Variants in RP1L1 observed in about 807,000 individuals in gnomAD.
The protein encoded by RP1L1 is retinitis pigmentosa 1-like 1 protein.
A neutral mutation model predicts 15.7 loss-of-function variants in RP1L1; 27 were observed. That is an observed-to-expected ratio of 1.72 (90% CI 1.27 to 2.38). RP1L1 has a LOEUF of 2.38. RP1L1 is among the 30% of genes most tolerant of loss of function. The pLI is 0.00. For missense variants in RP1L1, 4,798 were observed against 3,075.9 expected (o/e 1.56, Z -13.24); for synonymous variants, 1,813 against 1,276.7 (o/e 1.42, Z -8.96).
At chr8:10,641,566 C>T (rs1236281566) in intron 1 of RP1L1, among the ~76,000 whole-genome samples, 1 of 152,132 alleles carries the variant, frequency 6.6e-6, no homozygotes, top group Non-Finnish European at 1.5e-5. Context: ...GATGATGGCA[C>T]CTATAGGTTA....
rs200725430 is a variant in RP1L1 at position 10,607,763 on chromosome 8, T to A, written c.6335A>T (p.Lys2112Met). 6.3e-7 allele frequency: 1 copy of A among 1,584,314 alleles called. No homozygotes were observed. The highest frequency in any genetic ancestry group is 1.5e-5 in the African/African-American group (1 of 67,280). The change falls in exon 4 of 4, where the codon AAG (lysine) becomes ATG (methionine). Residue 2112 changes from lysine (K) to methionine (M), a missense_variant. Lys to Met is a moderately conservative substitution (Grantham distance 95, BLOSUM62 -1). Transcript: ENST00000382483. ...CTCTGGGGCCTCTATACCTTCTGCCTTCTGGGCCTCCCCTTCTGCCTCTGG... is the reference window on the plus strand; with the variant it reads ...CTCTGGGGCCTCTATACCTTCTGCCATCTGGGCCTCCCCTTCTGCCTCTGG... The part of the protein sequence containing the change: ...EAPEAEGEAQ[K>M]AEGIEAPETE...
At chr8:10,620,513 G>A (rs951162191) in intron 2 of RP1L1, among the ~76,000 whole-genome samples, 1 of 152,166 alleles carries the variant, frequency 6.6e-6, no homozygotes, top group African/African-American at 2.4e-5. Context: ...GGCTGAGGCA[G>A]GAAAATTGCT....
rs1379851231 is a variant in RP1L1, at chr8:10,612,961, A to G, written c.1137T>C (p.Pro379=). ...TGCAGGGCCGGGGTCCCCACACCCC[A>G]GGCTCTGAGAAGCCCCAAGGGTAGC... The part of the protein sequence containing the change: ...WEGYPWGFSE[P]GVWGPRPCRV... The change falls in exon 4 of 4, where the codon CCT becomes CCC. Residue 379 remains proline, a synonymous_variant. Coordinates refer to ENST00000382483, the MANE Select transcript of RP1L1 (RefSeq NM_178857.6). 6.2e-7 allele frequency: 1 copy of G among 1,613,110 alleles called. No homozygotes were observed. Among genetic ancestry groups the G allele is most frequent in the East Asian group, 2.2e-5 (1 of 44,876 alleles).
Position 10,612,415 on chromosome 8 carries a change from G to C in RP1L1, c.1683C>G (p.Ala561=), listed in dbSNP as rs377749782. ...RPQGCPGKAR[A]ETSQQEASEG... ...CGCTGGCCTCCTGCTGAGAGGTCTC[G>C]GCCCTTGCCTTGCCTGGACAGCCCT... The change falls in exon 4 of 4, where the codon GCC becomes GCG. Residue 561 remains alanine (A), a synonymous_variant. Coordinates refer to ENST00000382483, the MANE Select transcript of RP1L1 (RefSeq NM_178857.6). 1.9e-6 allele frequency: 3 copies of C among 1,612,578 alleles called. 1 individual carries two copies. The highest frequency in any genetic ancestry group is 2.5e-6 in the Non-Finnish European group (3 of 1,180,040).
At chr8:10,641,144 C>T (rs1178903321) in intron 1 of RP1L1, among the ~76,000 whole-genome samples, 1 of 152,236 alleles carries the variant, frequency 6.6e-6, no homozygotes, top group Non-Finnish European at 1.5e-5. Flanking sequence ...CAGCTCATCC[C>T]ATCATGGGCC....
At chr8:10,632,571 C>T (rs1049092720) in intron 1 of RP1L1, among the ~76,000 whole-genome samples, 12 of 152,340 alleles carry the variant, frequency 7.9e-5, no homozygotes, top group African/African-American at 2.2e-4. Context: ...TGCCAACTCA[C>T]GGCCTGTAGA....
chr8:10,612,632 A>C lies in RP1L1; in HGVS notation c.1466T>G (p.Ile489Arg). The change falls in exon 4 of 4, where the codon ATA becomes AGA. Residue 489 changes from isoleucine (I) to arginine (R), a missense_variant. Physicochemically the swap from Ile to Arg is moderately conservative, Grantham distance 97 (BLOSUM62 -3). Transcript: ENST00000382483. ...CCCTCCAGCTTTCCGCTCAGCCCCT[A>C]TCTGGGCAGAGGGGCTGGCACTGTC... ...GVDSASPSAQ[I>R]GAERKAGGSL... The C allele has an allele frequency of 6.2e-7, 1 of 1,601,096 alleles. No homozygotes were observed. The highest frequency in any genetic ancestry group is 8.5e-7 in the Non-Finnish European group (1 of 1,178,994).
Position 10,609,082 on chromosome 8 carries a change from G to A in RP1L1, c.5016C>T (p.Pro1672=), listed in dbSNP as rs551681036. The change falls in exon 4 of 4, where the codon CCC becomes CCT. Residue 1672 remains proline (P), a synonymous_variant. Transcript: ENST00000382483. Reference sequence around the variant, plus strand: ...CTCTGGTTGCCCCCATTGTGGCCTTGGGGGACATAGGGCTCACTTTCTTCC... The same window carrying A: ...CTCTGGTTGCCCCCATTGTGGCCTTAGGGGACATAGGGCTCACTTTCTTCC... ...CVRKKVSPMS[P]KATMGATRGP... The A allele has an allele frequency of 2.5e-6, 4 of 1,613,728 alleles. No homozygotes were observed. In the East Asian group the frequency reaches 8.9e-5, roughly 36 times the overall value.
intron 1 of RP1L1, among the ~76,000 whole-genome samples, chr8:10,625,356 G>A (rs1403357768): frequency 6.6e-6 from 1 of 152,194 alleles, no homozygotes; most frequent in Non-Finnish European, 1.5e-5. Context: ...CTCACCTGGG[G>A]CGTGAGTCCA....
In RP1L1 at chr8:10,611,427, C is replaced by G. The variant is rs764361808; in HGVS notation, c.2671G>C (p.Gly891Arg). ...ARGPGGSPQE[G>R]TRQPGPTPSP... ...GGCGTGGGGCCTGGCTGGCGTGTCC[C>G]CTCCTGCGGGCTCCCACCTGGCCCC... Residue 891 changes from glycine (G) to arginine (R), a missense_variant, in exon 4 of 4, where the codon GGG becomes CGG. Gly to Arg is a moderately radical substitution (Grantham distance 125, BLOSUM62 -2). Transcript: ENST00000382483. The G allele has an allele frequency of 6.3e-7, 1 of 1,581,342 alleles. No individual in the cohort carries two copies. The highest frequency in any genetic ancestry group is 1.1e-5 in the South Asian group (1 of 88,188).
intron 1 of RP1L1, among the ~76,000 whole-genome samples, chr8:10,624,859 T>C (rs1162079574): frequency 6.6e-6 from 1 of 152,188 alleles, no homozygotes; most frequent in Non-Finnish European, 1.5e-5. Flanking sequence ...GTTTCTGTCT[T>C]GTCGAACAGG....
At position 10,616,445 on chromosome 8, in the gene RP1L1, C is replaced by T. The variant is rs779446820; in HGVS notation, c.751+1G>A. The T allele has an allele frequency of 1.2e-6, 2 of 1,614,110 alleles. No individual in the cohort carries two copies. The highest frequency in any genetic ancestry group is 2.2e-5 in the East Asian group (1 of 44,894). ...TGGGGGAAACCCAAAAACCAACTCACCGTTTTTGTTTCTTGAAGTCAGCCC... is the reference window on the plus strand; with the variant it reads ...TGGGGGAAACCCAAAAACCAACTCATCGTTTTTGTTTCTTGAAGTCAGCCC... On this transcript the variant is annotated splice_donor_variant, in intron 3 of 3. Coordinates refer to ENST00000382483, the MANE Select transcript of RP1L1 (RefSeq NM_178857.6). LOFTEE classifies it high-confidence loss of function.
At chr8:10,631,064 C>T (rs903899184) in intron 1 of RP1L1, among the ~76,000 whole-genome samples, 9 of 152,106 alleles carry the variant, frequency 5.9e-5, no homozygotes, top group Non-Finnish European at 1.0e-4. Context: ...GGTTTGTTTA[C>T]GGCTGCCACA....
At position 10,612,674 on chromosome 8, in the gene RP1L1, G is replaced by A; in HGVS notation, c.1424C>T (p.Thr475Ile). 3 of 1,601,790 alleles carry A rather than the reference G, an allele frequency of 1.9e-6. No individual in the cohort carries two copies. Among genetic ancestry groups the A allele is most frequent in the Non-Finnish European group, 2.5e-6 (3 of 1,177,748 alleles). Reference protein sequence around the residue: ...SEPESSCCPRTPEDGVDSASP... With the variant: ...SEPESSCCPRIPEDGVDSASP... ...GGCACTGTCCACCCCGTCCTCCGGG[G>A]TCCTGGGGCAGCAGGAGGACTCTGG... Residue 475 changes from threonine (T) to isoleucine (I), a missense_variant, in exon 4 of 4, where the codon ACC (threonine) becomes ATC (isoleucine). By Grantham distance (89) the Thr-to-Ile change is moderately conservative. Transcript: ENST00000382483.
Position 10,610,127 on chromosome 8 carries a change from T to TCTTGCAGCCCTTCTTCTGTTGTAGTCC in RP1L1, c.3970_3971insGGACTACAACAGAAGAAGGGCTGCAAG (p.Glu1323_Glu1324insGlyThrThrThrGluGluGlyLeuGln). On this transcript the variant is annotated inframe_insertion, in exon 4 of 4. Coordinates refer to ENST00000382483, the MANE Select transcript of RP1L1 (RefSeq NM_178857.6). ...TTGCAGCCCTTCTTCTGTTTTAGTT[T>TCTTGCAGCCCTTCTTCTGTTGTAGTCC]CCTCTAACTGCACCGCCTCTTCTTG... 8.0e-7 allele frequency: 1 copy of TCTTGCAGCCCTTCTTCTGTTGTAGTCC among 1,247,962 alleles called. No individual in the cohort carries two copies. The highest frequency in any genetic ancestry group is 1.1e-6 in the Non-Finnish European group (1 of 903,776). The allele number at this position is 1,247,962 out of a possible 1,614,324, so 77.3% of individuals were successfully genotyped here.
At chr8:10,639,420 T>C (rs529381915) in intron 1 of RP1L1, among the ~76,000 whole-genome samples, 2 of 152,310 alleles carry the variant, frequency 1.3e-5, no homozygotes, top group South Asian at 4.1e-4. Flanking sequence ...TTGCTCAGGC[T>C]GGAGTGCAGT....
Position 10,609,037 on chromosome 8 carries a change from A to G in RP1L1, c.5061T>C (p.Phe1687=), listed in dbSNP as rs1797771287. ...GATRGPIKEA[F]DLQQILQRKR... ...TCCTCTGCAGAATCTGCTGCAGGTC[A>G]AAGGCCTCTTTGATGGGACCTCTGG... The change falls in exon 4 of 4, where the codon TTT becomes TTC. Residue 1687 remains phenylalanine, a synonymous_variant. Transcript: ENST00000382483. 1.9e-6 allele frequency: 3 copies of G among 1,613,736 alleles called. No homozygotes were observed. In the South Asian group the frequency reaches 3.3e-5, roughly 18 times the overall value.
At position 10,612,382 on chromosome 8, in the gene RP1L1, G is replaced by T; in HGVS notation, c.1716C>A (p.Gly572=). The T allele has an allele frequency of 6.2e-7, 1 of 1,612,724 alleles. No homozygotes were observed. The highest frequency in any genetic ancestry group is 8.5e-7 in the Non-Finnish European group (1 of 1,180,020). ...ETSQQEASEG[G]DPASPALSLS... ...GACTCAGGGCTGGAGAAGCGGGGTC[G>T]CCTCCCTCGCTGGCCTCCTGCTGAG... Residue 572 remains glycine (G), a synonymous_variant, in exon 4 of 4, where the codon GGC becomes GGA. Coordinates refer to ENST00000382483, the MANE Select transcript of RP1L1 (RefSeq NM_178857.6).
Position 10,611,364 on chromosome 8 carries a change from T to C in RP1L1, c.2734A>G (p.Ser912Gly). Residue 912 changes from serine (S) to glycine (G), a missense_variant, in exon 4 of 4, where the codon AGT becomes GGT. By Grantham distance (56) the Ser-to-Gly change is moderately conservative. Coordinates refer to ENST00000382483, the MANE Select transcript of RP1L1 (RefSeq NM_178857.6). Reference protein sequence around the residue: ...GPNSGASRRSSASQGAGSRGL... With the variant: ...GPNSGASRRSGASQGAGSRGL... ...CGAGACCCCGCACCCTGGCTGGCAC[T>C]GCTTCTCCTTGATGCCCCTGAATTG... 3 of 1,610,440 alleles carry C rather than the reference T, an allele frequency of 1.9e-6. No homozygotes were observed. Among genetic ancestry groups the C allele is most frequent in the Non-Finnish European group, 2.5e-6 (3 of 1,179,416 alleles).
Sources: gnomAD v4.1 joint callset for allele counts (sites outside exome capture counted in the v4.1 genomes callset) on GRCh38, gnomAD v4.1.1 for gene constraint, MANE v1.5 for transcripts, NCBI Gene and HGNC (gene_info 2026-07-23, HGNC 2026-07-21) for gene names.